Variants in SUPT16H observed in about 807,000 individuals in gnomAD.
SUPT16H encodes the protein FACT complex subunit SPT16.
Under a neutral mutation model 136.2 loss-of-function variants are expected in SUPT16H, and 24 were observed. The ratio of observed to expected loss-of-function variants is 0.18; its 90% CI spans 0.13 to 0.25. SUPT16H has a LOEUF of 0.25. SUPT16H is among the 10% of genes least tolerant of loss of function. The pLI is 1.00. For missense variants in SUPT16H, 623 were observed against 1,270.2 expected (o/e 0.49, Z 7.74); for synonymous variants, 415 against 428.2 (o/e 0.97, Z 0.38).
Position 21,383,389 on chromosome 14 carries a change from C to CAAACGAT in SUPT16H, c.66+466_66+472dup, listed in dbSNP as rs533656387. ...TTTTTTAACTCCAGCAAAAGCCCCG[C>CAAACGAT]AAACGATAAACGCTAAAAGCCCGAT... On this transcript the variant is annotated intron_variant, in intron 1 of 25. Transcript: ENST00000216297. The CAAACGAT allele has an allele frequency of 3.5e-4, 166 of 477,888 alleles. 1 individual carries two copies. Among genetic ancestry groups the CAAACGAT allele is most frequent in the African/African-American group, 3.1e-3 (156 of 49,740 alleles). 29.6% of individuals were successfully genotyped at this position (477,888 alleles called of 1,614,324 possible).
At position 21,357,915 on chromosome 14, in the gene SUPT16H, A is replaced by G. The variant is rs768986781; in HGVS notation, c.2490+12T>C. ...ACAATTTTCTTACTAAAAGAAAGTA[A>G]GAAACACTCACCCATTCCGTAGCAT... On this transcript the variant is annotated intron_variant, in intron 21 of 25. Coordinates refer to ENST00000216297, the MANE Select transcript of SUPT16H (RefSeq NM_007192.4). The G allele has an allele frequency of 6.2e-7, 1 of 1,611,676 alleles. No homozygotes were observed. The highest frequency in any genetic ancestry group is 8.5e-7 in the Non-Finnish European group (1 of 1,178,014).
intron 2 of SUPT16H, chr14:21,372,453 A>C: frequency 1.9e-5 from 6 of 313,874 alleles, no homozygotes; most frequent in South Asian, 1.7e-4. Flanking sequence ...TCCTTCTCAA[A>C]GAACTGATAT....
chr14:21,363,189 CAT>C lies in SUPT16H; in HGVS notation c.1395+42_1396-41del, dbSNP rs762433545. 11 of 1,614,006 alleles carry C rather than the reference CAT, an allele frequency of 6.8e-6. No individual in the cohort carries two copies. The African/African-American group carries it at 1.1e-4, about 16-fold the overall frequency. On this transcript the variant is annotated intron_variant, in intron 12 of 25. Coordinates refer to ENST00000216297, the MANE Select transcript of SUPT16H (RefSeq NM_007192.4). ...ATCCAATTTATCACAACACGTGAGCCATATGACAGCCGAGATCAATGTAATTT... is the reference window on the plus strand; with the variant it reads ...ATCCAATTTATCACAACACGTGAGCCATGACAGCCGAGATCAATGTAATTT...
In SUPT16H at chr14:21,357,909, A is replaced by C. The variant is rs745997463; in HGVS notation, c.2490+18T>G. On this transcript the variant is annotated intron_variant, in intron 21 of 25. Transcript: ENST00000216297. ...TCTCTAACAATTTTCTTACTAAAAG[A>C]AAGTAAGAAACACTCACCCATTCCG... 29 of 1,606,270 alleles carry C rather than the reference A, an allele frequency of 1.8e-5. 1 individual carries two copies. The South Asian group carries it at 3.2e-4, about 18-fold the overall frequency.
chr14:21,372,923 C>CT (rs1886818998), intron 2 of SUPT16H, among the ~76,000 whole-genome samples: 1 of 152,116 alleles, frequency 6.6e-6, no homozygotes. Flanking sequence ...ACCAGAAACA[C>CT]AGCTGATGGG....
intron 1 of SUPT16H, among the ~76,000 whole-genome samples, chr14:21,378,613 G>A (rs1412875728): frequency 6.6e-6 from 1 of 152,156 alleles, no homozygotes; most frequent in Non-Finnish European, 1.5e-5. Flanking sequence ...GGAGAAAAAT[G>A]TTAAGGTATC....
Position 21,381,095 on chromosome 14 carries a change from C to T in SUPT16H, c.66+2767G>A, listed in dbSNP as rs114224474. Among the ~76,000 whole-genome samples, 436 of 152,058 alleles carry T rather than the reference C, an allele frequency of 2.9e-3. 2 individuals carry two copies. Among genetic ancestry groups the T allele is most frequent in the African/African-American group, 0.01 (422 of 41,476 alleles). ...TAAGAGGCAAGACTGGATCTAGACT[C>T]AAACCTCCAGGAGTCATAAAACAAT... is the stretch of plus-strand genomic sequence containing the variant. On this transcript the variant is annotated intron_variant, in intron 1 of 25. Transcript: ENST00000216297.
At chr14:21,372,379 G>A (rs1054164903) in intron 2 of SUPT16H, 6 of 315,092 alleles carry the variant, frequency 1.9e-5, no homozygotes. Flanking sequence ...ACAAGGGACA[G>A]AGTGATACAG....
intron 1 of SUPT16H, among the ~76,000 whole-genome samples, chr14:21,374,572 C>T (rs898841597): frequency 6.6e-6 from 1 of 152,200 alleles, no homozygotes; most frequent in Admixed American, 6.5e-5. Flanking sequence ...AATTCATATA[C>T]ATGGAATCAA....
chr14:21,356,933 G>C (rs2139397125), intron 22 of SUPT16H, among the ~76,000 whole-genome samples: 2 of 152,284 alleles, frequency 1.3e-5, no homozygotes, highest in African/African-American at 4.8e-5. Flanking sequence ...TTTGAGACCA[G>C]CCTGGGCAAC....
At position 21,352,192 on chromosome 14, in the gene SUPT16H, G is replaced by A. The variant is rs754764795; in HGVS notation, c.*481C>T. 8 of 160,390 alleles carry A rather than the reference G, an allele frequency of 5.0e-5. No homozygotes were observed. Among genetic ancestry groups the A allele is most frequent in the Admixed American group, 1.2e-4 (2 of 17,118 alleles). 9.9% of individuals were successfully genotyped at this position (160,390 alleles called of 1,614,324 possible). ...TTATCACAACCATTAGCAAATTTCCGAGAACCTTGAGTATTGCAAAGATAA... is the reference window on the plus strand; with the variant it reads ...TTATCACAACCATTAGCAAATTTCCAAGAACCTTGAGTATTGCAAAGATAA... On this transcript the variant is annotated 3_prime_UTR_variant, in exon 26 of 26. Coordinates refer to ENST00000216297, the MANE Select transcript of SUPT16H (RefSeq NM_007192.4).
chr14:21,359,348 G>T, intron 19 of SUPT16H, 136 bp downstream of exon 19: 1 of 1,226,040 alleles, frequency 8.2e-7, no homozygotes, highest in Admixed American at 2.4e-5. Context: ...TGCCCATGTT[G>T]GCCTCCCAAA....
In SUPT16H at chr14:21,373,174, G is replaced by C. The variant is rs540507856; in HGVS notation, c.159+164C>G. Among the ~76,000 whole-genome samples the C allele has an allele frequency of 9.2e-5, 14 of 152,222 alleles. 1 individual carries two copies. In the South Asian group the frequency reaches 2.7e-3, roughly 29 times the overall value. ...TTGTCCAGGCTGGTCTTGAACTCCTGGGCTCAAGCAATCCACCTGCCTCGG... is the reference window on the plus strand; with the variant it reads ...TTGTCCAGGCTGGTCTTGAACTCCTCGGCTCAAGCAATCCACCTGCCTCGG... On this transcript the variant is annotated intron_variant, in intron 2 of 25. Transcript: ENST00000216297.
intron 1 of SUPT16H, 21 bp from the exon 2 acceptor site, chr14:21,373,451 T>C: frequency 3.2e-6 from 5 of 1,572,234 alleles, no homozygotes; most frequent in Non-Finnish European, 4.4e-6. Flanking sequence ...TGGGTAATCA[T>C]CACTTAATTT....
chr14:21,375,388 T>C (rs1300132413), intron 1 of SUPT16H, among the ~76,000 whole-genome samples: 2 of 152,194 alleles, frequency 1.3e-5, no homozygotes, highest in Non-Finnish European at 2.9e-5. Context: ...TACTGACAAC[T>C]GTATGCCTCT....
rs370297051 is a variant in SUPT16H at position 21,374,443 on chromosome 14, C to T, written c.67-1013G>A. On this transcript the variant is annotated intron_variant, in intron 1 of 25. Coordinates refer to ENST00000216297, the MANE Select transcript of SUPT16H (RefSeq NM_007192.4). ...TTTTAGCAGAATTATGCAACCATCA[C>T]AATTTTGGAACATTTTAATCTCTAT... Among the ~76,000 whole-genome samples the T allele has an allele frequency of 1.6e-3, 248 of 152,358 alleles. 1 individual carries two copies. Among genetic ancestry groups the T allele is most frequent in the African/African-American group, 4.9e-3 (205 of 41,578 alleles).
At position 21,352,665 on chromosome 14, in the gene SUPT16H, T is replaced by C. The variant is rs1417479324; in HGVS notation, c.*8A>G. 20 of 1,613,838 alleles carry C rather than the reference T, an allele frequency of 1.2e-5. No individual in the cohort carries two copies. The highest frequency in any genetic ancestry group is 1.6e-5 in the Non-Finnish European group (19 of 1,180,000). On this transcript the variant is annotated 3_prime_UTR_variant, in exon 26 of 26. Transcript: ENST00000216297. Reference sequence around the variant, plus strand: ...GGAAGAATGGAGCTCAGGGCCAAAGTTCAGAAGTTACTTCCTCTTTTTCTT... The same window carrying C: ...GGAAGAATGGAGCTCAGGGCCAAAGCTCAGAAGTTACTTCCTCTTTTTCTT...
chr14:21,380,806 C>G (rs1887006277), intron 1 of SUPT16H, among the ~76,000 whole-genome samples: 1 of 152,118 alleles, frequency 6.6e-6, no homozygotes, highest in Non-Finnish European at 1.5e-5. Context: ...TTGTACCACT[C>G]AGCCCTCAAG....
rs752690343 is a variant in SUPT16H at position 21,369,909 on chromosome 14, T to G, written c.484-13A>C. 7 of 1,611,720 alleles carry G rather than the reference T, an allele frequency of 4.3e-6. No individual in the cohort carries two copies. In the African/African-American group the frequency reaches 9.3e-5, roughly 22 times the overall value. On this transcript the variant is annotated splice_polypyrimidine_tract_variant and intron_variant, in intron 4 of 25. Transcript: ENST00000216297. ...CACTGATATCTATCTGCAGTCAAAG[T>G]GACAAGAGTTTCTAACATGCAAGTA...
Sources: allele counts gnomAD v4.1 joint callset (sites outside exome capture counted in the v4.1 genomes callset), GRCh38; gene constraint gnomAD v4.1.1; transcripts MANE v1.5; gene names NCBI Gene and HGNC (gene_info 2026-07-23, HGNC 2026-07-21).